L1CAM: variants seen among roughly 807,000 people sequenced by gnomAD.
L1CAM encodes the protein neural cell adhesion molecule L1.
L1CAM carries 8 observed loss-of-function variants against 93.0 expected under a neutral mutation model. The observed-to-expected ratio is 0.09, with a 90% CI of 0.05 to 0.16. The LOEUF (loss-of-function observed/expected upper bound fraction) is 0.16, where lower values mean the gene tolerates loss of function less well. L1CAM is among the 10% of genes least tolerant of loss of function. The pLI is 1.00. For missense variants in L1CAM, 777 were observed against 1,073.4 expected (o/e 0.72, Z 3.86); for synonymous variants, 453 against 453.0 (o/e 1.00, Z 0.00).
In L1CAM at chrX:153,872,326, A is replaced by T; in HGVS notation, c.226T>A (p.Phe76Ile). The change falls in exon 5 of 29, where the codon TTC becomes ATC. Residue 76 changes from phenylalanine to isoleucine, a missense_variant. Coordinates refer to ENST00000370060, the MANE Select transcript of L1CAM (RefSeq NM_001278116.2). ...QFRWTRDGVHFKPKEELGVTV... is the reference protein window; with the variant it reads ...QFRWTRDGVHIKPKEELGVTV... ...ACACCCAGCTCTTCCTTGGGTTTGA[A>T]GTGGACACCATCCCTCGTCCAGCGG... is the stretch of plus-strand genomic sequence containing the variant. The T allele has an allele frequency of 1.7e-6, 2 of 1,208,473 alleles. No individual in the cohort carries two copies. The highest frequency in any genetic ancestry group is 2.2e-6 in the Non-Finnish European group (2 of 894,561).
chrX:153,866,517 G>T, intron 19 of L1CAM, 132 bp downstream of exon 19: 1 of 466,438 alleles, frequency 2.1e-6, no homozygotes, highest in Non-Finnish European at 3.7e-6. Context: ...ATTTCATAAC[G>T]TCGCTCTGGT....
rs200415748 is a variant in L1CAM, at chrX:153,868,127, G to A, written c.1704-5C>T. On this transcript the variant is annotated splice_polypyrimidine_tract_variant and splice_region_variant and intron_variant, in intron 14 of 28. Transcript: ENST00000370060. ...CGCCCATCCTCTATGAAGTACCTGCGGAGGAGCCGTGTCTGTCTTTCCTGC... is the reference window on the plus strand; with the variant it reads ...CGCCCATCCTCTATGAAGTACCTGCAGAGGAGCCGTGTCTGTCTTTCCTGC... 10 of 1,210,373 alleles carry A rather than the reference G, an allele frequency of 8.3e-6. No individual in the cohort carries two copies. In the Admixed American group the frequency reaches 1.3e-4, roughly 16 times the overall value.
chrX:153,878,463 C>A (rs3761530), intron 1 of L1CAM, among the ~76,000 whole-genome samples: 32,070 of 111,976 alleles, frequency 0.29, 3,505 homozygotes, highest in South Asian at 0.59. Context: ...AGAGCTGGAC[C>A]TGGGCCCAGA....
intron 1 of L1CAM, among the ~76,000 whole-genome samples, chrX:153,879,532 G>A (rs1346763811): frequency 8.9e-6 from 1 of 112,507 alleles, no homozygotes; most frequent in Non-Finnish European, 1.9e-5. Flanking sequence ...GCCTGGGTCA[G>A]TGGAGGGGCT....
At chrX:153,867,218 C>A in intron 17 of L1CAM, 94 bp from the exon 18 acceptor site, 1 of 982,308 alleles carries the variant, frequency 1.0e-6, no homozygotes, top group Non-Finnish European at 1.5e-6. Flanking sequence ...ATTCTGGCAC[C>A]AAGGGAGTCC....
At chrX:153,870,560 G>T in intron 7 of L1CAM, 61 bp from the exon 8 acceptor site, 1 of 997,672 alleles carries the variant, frequency 1.0e-6, no homozygotes, top group Non-Finnish European at 1.4e-6. Context: ...GAATTGCAAG[G>T]CTGAGGGACT....
rs782150715 is a variant in L1CAM at position 153,866,673 on chromosome X, T to C, written c.2407A>G (p.Thr803Ala). The change falls in exon 19 of 29, where the codon ACT becomes GCT. Residue 803 changes from threonine (T) to alanine (A), a missense_variant. This residue lies in a region of L1CAM where 574 missense variants were observed against 781.0 expected (regional missense o/e 0.73). Coordinates refer to ENST00000370060, the MANE Select transcript of L1CAM (RefSeq NM_001278116.2). ...SQGKGPEPQV[T>A]IGYSGEDYPQ... Reference sequence around the variant, plus strand: ...CAGTCCTCTCCAGAGTAGCCGATAGTGACCTGGGGCTCTGGTCCCTTGCCC... The same window carrying C: ...CAGTCCTCTCCAGAGTAGCCGATAGCGACCTGGGGCTCTGGTCCCTTGCCC... 8.3e-7 allele frequency: 1 copy of C among 1,211,020 alleles called. No individual in the cohort carries two copies. Among genetic ancestry groups the C allele is most frequent in the East Asian group, 3.0e-5 (1 of 33,837 alleles).
intron 2 of L1CAM, among the ~76,000 whole-genome samples, chrX:153,874,628 C>T (rs987019092): frequency 8.9e-6 from 1 of 112,444 alleles, no homozygotes; most frequent in Non-Finnish European, 1.9e-5. Flanking sequence ...CAGCCCCTGT[C>T]CCACTGCTGG....
In L1CAM at chrX:153,886,055, C is replaced by A; in HGVS notation, c.-109+10G>T. 1 of 356,319 alleles carries A rather than the reference C, an allele frequency of 2.8e-6. No individual in the cohort carries two copies. Among genetic ancestry groups the A allele is most frequent in the Non-Finnish European group, 3.6e-6 (1 of 276,669 alleles). The allele number at this position is 356,319 out of a possible 1,213,427, so 29.4% of individuals were successfully genotyped here. A position where few individuals can be genotyped will look rare whatever the true frequency, so the allele number is the denominator to read the frequency against. ...GGCCCGGGTCGCACGGGGAGGCCAG[C>A]CCGCCTTACCTGCGCTGCGGCCACC... On this transcript the variant is annotated intron_variant, in intron 1 of 28. Transcript: ENST00000370060.
In L1CAM at chrX:153,883,821, G is replaced by A. The variant is rs187613185; in HGVS notation, c.-109+2244C>T. ...TCCTGGAGCCTGGGCCACTCTGCGA[G>A]GCCGCATCACCCTCACACCCAGAAA... On this transcript the variant is annotated intron_variant, in intron 1 of 28. Coordinates refer to ENST00000370060, the MANE Select transcript of L1CAM (RefSeq NM_001278116.2). 22 of 342,052 alleles carry A rather than the reference G, an allele frequency of 6.4e-5. No individual in the cohort carries two copies. The East Asian group carries it at 1.7e-3, about 26-fold the overall frequency. 28.2% of individuals were successfully genotyped at this position (342,052 alleles called of 1,213,427 possible).
chrX:153,866,329 AAAG>A (rs2064712928), intron 19 of L1CAM, among the ~76,000 whole-genome samples: 1 of 107,161 alleles, frequency 9.3e-6, no homozygotes, highest in Non-Finnish European at 1.9e-5. Flanking sequence ...AAAAAAAAAG[AAAG>A]AAAAGAAAAG....
intron 1 of L1CAM, 35 bp downstream of exon 1, chrX:153,886,030 G>T: frequency 2.3e-6 from 1 of 432,080 alleles, no homozygotes; most frequent in Non-Finnish European, 2.5e-6. Flanking sequence ...TCGCGGCCGC[G>T]GCCCGGGTCG....
chrX:153,869,659 C>T lies in L1CAM; in HGVS notation c.1128G>A (p.Leu376=). Residue 376 remains leucine, a synonymous_variant, in exon 11 of 29, where the codon CTG becomes CTA. Coordinates refer to ENST00000370060, the MANE Select transcript of L1CAM (RefSeq NM_001278116.2). ...WRINGIPVEE[L]AKDQKYRIQR... ...GAATCCGGTACTTCTGGTCTTTGGC[C>T]AGCTCTGTGCATGCAGCAGGTGGGC... 3.3e-6 allele frequency: 4 copies of T among 1,207,303 alleles called. No individual in the cohort carries two copies. The Admixed American group carries it at 6.6e-5, about 20-fold the overall frequency.
Position 153,868,103 on chromosome X carries a change from G to T in L1CAM, c.1723C>A (p.Arg575Ser). The T allele has an allele frequency of 8.3e-7, 1 of 1,210,689 alleles. No individual in the cohort carries two copies. The highest frequency in any genetic ancestry group is 1.1e-6 in the Non-Finnish European group (1 of 895,269). ...DSDKYFIEDG[R>S]LVIHSLDYSD... The stretch of plus-strand genomic sequence containing the variant: ...TAGTCCAGGCTGTGGATGACCAGGC[G>T]CCCATCCTCTATGAAGTACCTGCGG... The change falls in exon 15 of 29, where the codon CGC becomes AGC. Residue 575 changes from arginine (R) to serine (S), a missense_variant. Physicochemically the swap from Arg to Ser is moderately radical, Grantham distance 110. Coordinates refer to ENST00000370060, the MANE Select transcript of L1CAM (RefSeq NM_001278116.2).
chrX:153,875,843 C>T lies in L1CAM; in HGVS notation c.-7G>A. ...ACCGCAGCGCCACGACCATCTTTCC[C>T]GGCGGCACCGCGCAGCACAGCCAGC... On this transcript the variant is annotated 5_prime_UTR_variant, in exon 2 of 29. Coordinates refer to ENST00000370060, the MANE Select transcript of L1CAM (RefSeq NM_001278116.2). The T allele has an allele frequency of 8.3e-7, 1 of 1,205,395 alleles. No individual in the cohort carries two copies. Among genetic ancestry groups the T allele is most frequent in the Non-Finnish European group, 1.1e-6 (1 of 893,705 alleles).
chrX:153,881,513 G>A (rs1237330299), intron 1 of L1CAM, among the ~76,000 whole-genome samples: 12 of 111,570 alleles, frequency 1.1e-4, no homozygotes, highest in African/African-American at 2.6e-4. Flanking sequence ...GAGGCCATGC[G>A]GAAGTAGGAT....
intron 1 of L1CAM, among the ~76,000 whole-genome samples, chrX:153,881,448 C>T (rs1557095693): frequency 8.9e-6 from 1 of 111,762 alleles, no homozygotes; most frequent in Non-Finnish European, 1.9e-5. Flanking sequence ...GGAGGGCTTA[C>T]TTGCCAGGCA....
intron 5 of L1CAM, among the ~76,000 whole-genome samples, chrX:153,871,618 C>T (rs931523305): frequency 9.1e-6 from 1 of 110,000 alleles, no homozygotes; most frequent in Non-Finnish European, 1.9e-5. Flanking sequence ...GAGGAGAGCG[C>T]TCAGGAAGCA....
intron 1 of L1CAM, chrX:153,884,433 G>T (rs940676346): frequency 3.8e-5 from 10 of 260,395 alleles, no homozygotes; most frequent in South Asian, 3.8e-4. Context: ...CGTGCTGAAC[G>T]TGTTTCCCTC....
Sources: allele counts gnomAD v4.1 joint callset (sites outside exome capture counted in the v4.1 genomes callset), GRCh38; gene constraint gnomAD v4.1.1; regional missense constraint gnomAD v4.1.1; transcripts MANE v1.5; gene names NCBI Gene and HGNC (gene_info 2026-07-23, HGNC 2026-07-21).